Variants in AHCYL1 observed in about 807,000 individuals in gnomAD.
AHCYL1 encodes the protein S-adenosylhomocysteine hydrolase-like protein 1.
A neutral mutation model predicts 79.3 loss-of-function variants in AHCYL1; 20 were observed. The ratio of observed to expected loss-of-function variants is 0.25; its 90% CI spans 0.18 to 0.37. The LOEUF (loss-of-function observed/expected upper bound fraction) is 0.37, where lower values mean the gene tolerates loss of function less well. AHCYL1 is among the 10% of genes least tolerant of loss of function. The pLI is 1.00. For missense variants in AHCYL1, 330 were observed against 673.6 expected (o/e 0.49, Z 5.65); for synonymous variants, 223 against 242.2 (o/e 0.92, Z 0.74).
rs1557777106 is a variant in AHCYL1, at chr1:110,019,774, A to G, written c.1465+148A>G. 3 of 679,308 alleles carry G rather than the reference A, an allele frequency of 4.4e-6. No homozygotes were observed. The African/African-American group carries it at 5.4e-5, about 12-fold the overall frequency. The allele number at this position is 679,308 out of a possible 1,614,324, so 42.1% of individuals were successfully genotyped here. A position where few individuals can be genotyped will look rare whatever the true frequency, so the allele number is the denominator to read the frequency against. On this transcript the variant is annotated intron_variant, in intron 15 of 16. Transcript: ENST00000369799. ...GACCTCAGGACAAGTTCTAATCTCT[A>G]TGATCCTCAGTTTCTTGATTGGTAA...
At chr1:110,016,113 A>G (rs1055965645) in intron 7 of AHCYL1, among the ~76,000 whole-genome samples, 3 of 152,280 alleles carry the variant, frequency 2.0e-5, no homozygotes, top group African/African-American at 7.2e-5. Context: ...ACATTTCTTC[A>G]ATTGAAAGGC....
rs147061078 is a variant in AHCYL1 at position 109,989,140 on chromosome 1, G to A, written c.120+3968G>A. Among the ~76,000 whole-genome samples, 21 of 152,230 alleles carry A rather than the reference G, an allele frequency of 1.4e-4. No individual in the cohort carries two copies. The East Asian group carries it at 3.3e-3, about 24-fold the overall frequency. On this transcript the variant is annotated intron_variant, in intron 1 of 16. Transcript: ENST00000369799. The stretch of plus-strand genomic sequence containing the variant: ...AAGATCCTCTTTTTAAGATTTCTCC[G>A]CAGGTATTGATTACATCTCTTTTTC...
chr1:110,014,813 T>G lies in AHCYL1; in HGVS notation c.631T>G (p.Cys211Gly). The change falls in exon 6 of 17, where the codon TGT becomes GGT. Residue 211 changes from cysteine to glycine, a missense_variant. Cys to Gly is a radical substitution (Grantham distance 159). Transcript: ENST00000369799. ...KGESEDDFWW[C>G]IDRCVNMDGW... ...CGAGTCAGAAGATGACTTCTGGTGG[T>G]GTATTGACCGCTGTGTGAACATGGA... The G allele has an allele frequency of 6.2e-7, 1 of 1,614,226 alleles. No homozygotes were observed.
At chr1:110,013,024 C>G in intron 5 of AHCYL1, 25 bp downstream of exon 5, 1 of 1,578,878 alleles carries the variant, frequency 6.3e-7, no homozygotes, top group Non-Finnish European at 8.6e-7. Context: ...TTCCCACCAA[C>G]TTTGCCCCAA....
chr1:110,011,020 A>G (rs1333409180), intron 2 of AHCYL1, among the ~76,000 whole-genome samples, 194 bp from the exon 3 acceptor site: 2 of 152,210 alleles, frequency 1.3e-5, no homozygotes, highest in African/African-American at 4.8e-5. Flanking sequence ...GAGCTGCAAC[A>G]TGGAAGTACC....
At chr1:110,002,687 T>G (rs778854907) in intron 1 of AHCYL1, among the ~76,000 whole-genome samples, 79 of 152,294 alleles carry the variant, frequency 5.2e-4, no homozygotes, top group Non-Finnish European at 8.5e-4. Context: ...CAAATTAACT[T>G]TTACTTGCAA....
intron 15 of AHCYL1, among the ~76,000 whole-genome samples, 186 bp downstream of exon 15, chr1:110,019,812 A>G (rs917636958): frequency 6.6e-6 from 1 of 152,226 alleles, no homozygotes; most frequent in African/African-American, 2.4e-5. Context: ...TGAAAATAAT[A>G]CTACATACAT....
rs1191431517 is a variant in AHCYL1, at chr1:109,985,119, G to A, written c.67G>A (p.Glu23Lys). 12 of 1,611,506 alleles carry A rather than the reference G, an allele frequency of 7.4e-6. No homozygotes were observed. The highest frequency in any genetic ancestry group is 1.3e-5 in the African/African-American group (1 of 74,848). The change falls in exon 1 of 17, where the codon GAG becomes AAG. Residue 23 changes from glutamate to lysine, a missense_variant. By Grantham distance (56) the Glu-to-Lys change is moderately conservative (BLOSUM62 1). Transcript: ENST00000369799. ...GEELKQAKEI[E>K]DAEKYSFMAT... is the part of the protein sequence containing the mutation. ...GGAGCTGAAGCAGGCCAAGGAGATC[G>A]AGGACGCCGAGAAGTACTCCTTCAT...
At chr1:110,005,582 C>T (rs766334995) in intron 1 of AHCYL1, among the ~76,000 whole-genome samples, 3 of 152,184 alleles carry the variant, frequency 2.0e-5, no homozygotes, top group Non-Finnish European at 4.4e-5. Flanking sequence ...CAGATATTAT[C>T]CTGATCACCA....
chr1:109,996,337 G>A (rs1365828577), intron 1 of AHCYL1, among the ~76,000 whole-genome samples: 1 of 152,196 alleles, frequency 6.6e-6, no homozygotes, highest in Non-Finnish European at 1.5e-5. Flanking sequence ...TTTTCTCAAT[G>A]TATTCAGAGT....
intron 1 of AHCYL1, among the ~76,000 whole-genome samples, chr1:109,985,725 A>C (rs963834518): frequency 4.6e-5 from 7 of 152,214 alleles, no homozygotes; most frequent in African/African-American, 1.7e-4. Context: ...TTTCTACAGC[A>C]TTCCAATTAC....
At chr1:110,021,629 A>G in intron 16 of AHCYL1, 45 bp from the exon 17 acceptor site, 1 of 1,602,840 alleles carries the variant, frequency 6.2e-7, no homozygotes, top group Non-Finnish European at 8.5e-7. Context: ...TGGAATTCTC[A>G]TATGGAAGAC....
At chr1:110,017,452 G>A (rs1307411036) in intron 9 of AHCYL1, 43 bp from the exon 10 acceptor site, 2 of 1,584,384 alleles carry the variant, frequency 1.3e-6, no homozygotes, top group Non-Finnish European at 1.7e-6. Context: ...AAATATCCAT[G>A]ACTTAATGAA....
Position 110,015,145 on chromosome 1 carries a change from A to T in AHCYL1, c.676-280A>T, listed in dbSNP as rs1166958329. Among the ~76,000 whole-genome samples the T allele has an allele frequency of 6.6e-5, 10 of 152,150 alleles. No homozygotes were observed. The East Asian group carries it at 1.9e-3, about 29-fold the overall frequency. ...CTTCCTGCCCCAGTTCTCCTTTTGC[A>T]TTCAAAGGGGCTATATATTTCAAGA... On this transcript the variant is annotated intron_variant, in intron 6 of 16. Coordinates refer to ENST00000369799, the MANE Select transcript of AHCYL1 (RefSeq NM_006621.7).
chr1:110,019,733 T>G (rs1324409076), intron 15 of AHCYL1, 107 bp downstream of exon 15: 3 of 1,086,162 alleles, frequency 2.8e-6, no homozygotes, highest in Non-Finnish European at 4.0e-6. Context: ...CCTGTTCCTG[T>G]GCTTACTGGT....
chr1:109,995,526 A>G, intron 1 of AHCYL1: 2 of 294,270 alleles, frequency 6.8e-6, no homozygotes, highest in Non-Finnish European at 1.0e-5. Context: ...TAGATTCTCT[A>G]CTTCCTTTGC....
At chr1:109,996,224 G>T (rs1650022602) in intron 1 of AHCYL1, among the ~76,000 whole-genome samples, 1 of 152,108 alleles carries the variant, frequency 6.6e-6, no homozygotes, top group African/African-American at 2.4e-5. Flanking sequence ...AAGAAAAAAA[G>T]ATGGTAATGC....
chr1:110,005,999 T>TA (rs1650630594), intron 1 of AHCYL1, among the ~76,000 whole-genome samples: 1 of 152,086 alleles, frequency 6.6e-6, no homozygotes, highest in Non-Finnish European at 1.5e-5. Flanking sequence ...TCAACCATTG[T>TA]ACCTGCTAAG....
intron 1 of AHCYL1, among the ~76,000 whole-genome samples, chr1:110,005,524 C>G (rs893035527): frequency 1.3e-5 from 2 of 152,148 alleles, no homozygotes; most frequent in East Asian, 3.8e-4. Context: ...GCACTGGATA[C>G]TTAGTTGGTG....
Sources: allele counts gnomAD v4.1 joint callset (sites outside exome capture counted in the v4.1 genomes callset), GRCh38; gene constraint gnomAD v4.1.1; transcripts MANE v1.5; gene names NCBI Gene and HGNC (gene_info 2026-07-23, HGNC 2026-07-21).